The following PRPSAP1 variants were observed in gnomAD, a reference collection of about 807,000 sequenced individuals.
PRPSAP1 encodes phosphoribosyl pyrophosphate synthetase associated protein 1.
PRPSAP1 carries 31 observed loss-of-function variants against 39.4 expected under a neutral mutation model. That is an observed-to-expected ratio of 0.79 (90% CI 0.59 to 1.06). The LOEUF (loss-of-function observed/expected upper bound fraction) is 1.06. PRPSAP1 is among the 50% of genes least tolerant of loss of function. PRPSAP1 has a pLI of 0.00. For missense variants in PRPSAP1, 430 were observed against 511.6 expected (o/e 0.84, Z 1.54); for synonymous variants, 212 against 192.6 (o/e 1.10, Z -0.83).
At chr17:76,330,345 A>G in intron 5 of PRPSAP1, 1 of 601,418 alleles carries the variant, frequency 1.7e-6, no homozygotes, top group Non-Finnish European at 2.9e-6. Context: ...CAAATTGCTA[A>G]AGATACGTAG....
intron 1 of PRPSAP1, among the ~76,000 whole-genome samples, chr17:76,351,373 T>G (rs1037912887): frequency 1.3e-5 from 2 of 151,890 alleles, no homozygotes; most frequent in African/African-American, 4.8e-5. Flanking sequence ...AAATTAGCTG[T>G]GCGAGGTGGC....
chr17:76,344,623 A>C, intron 3 of PRPSAP1, 48 bp downstream of exon 3: 1 of 1,345,962 alleles, frequency 7.4e-7, no homozygotes, highest in Non-Finnish European at 1.0e-6. Context: ...AATCAATTAT[A>C]TTGTTAAGGT....
chr17:76,312,996 C>G lies in PRPSAP1; in HGVS notation c.873G>C (p.Val291=), dbSNP rs761857293. 26 of 1,613,764 alleles carry G rather than the reference C, an allele frequency of 1.6e-5. No homozygotes were observed. The highest frequency in any genetic ancestry group is 2.1e-5 in the Non-Finnish European group (25 of 1,180,002). The change falls in exon 9 of 10, where the codon GTG becomes GTC. Residue 291 remains valine, a synonymous_variant. Coordinates refer to ENST00000446526, the MANE Select transcript of PRPSAP1 (RefSeq NM_002766.3). Reference sequence around the variant, plus strand: ...TCTCCGCGGCAGCAACAAAACTCTCCACATCGTCAATAATGTCATCCTGGG... The same window carrying G: ...TCTCCGCGGCAGCAACAAAACTCTCGACATCGTCAATAATGTCATCCTGGG... ...AIIVDDIIDD[V]ESFVAAAEIL...
At chr17:76,329,446 T>C (rs577967844) in intron 6 of PRPSAP1, among the ~76,000 whole-genome samples, 2 of 152,212 alleles carry the variant, frequency 1.3e-5, no homozygotes, top group South Asian at 4.1e-4. Context: ...TTAAAAACCA[T>C]TGCCTGGGCC....
chr17:76,346,690 T>C (rs892071254), intron 2 of PRPSAP1, among the ~76,000 whole-genome samples: 10 of 152,216 alleles, frequency 6.6e-5, no homozygotes, highest in African/African-American at 2.2e-4. Flanking sequence ...ACATGCTAAA[T>C]GTTCACTGGG....
At chr17:76,331,674 G>C (rs549685541) in intron 4 of PRPSAP1, among the ~76,000 whole-genome samples, 1 of 152,170 alleles carries the variant, frequency 6.6e-6, no homozygotes, top group South Asian at 2.1e-4. Context: ...AATCCTATAA[G>C]GACATTGAGG....
At position 76,328,734 on chromosome 17, in the gene PRPSAP1, G is replaced by C; in HGVS notation, c.764C>G (p.Pro255Arg). The part of the protein sequence containing the change: ...PPMVKNATVH[P>R]GLELPLMMAK... ...CATCTTACATGGCAACTCCAGGCCT[G>C]GGTGCACAGTAGCATTTTTGACCAT... Residue 255 changes from proline to arginine, a missense_variant, in exon 7 of 10, where the codon CCA becomes CGA. Physicochemically the swap from Pro to Arg is moderately radical, Grantham distance 103. Coordinates refer to ENST00000446526, the MANE Select transcript of PRPSAP1 (RefSeq NM_002766.3). 1 of 1,614,140 alleles carries C rather than the reference G, an allele frequency of 6.2e-7. No individual in the cohort carries two copies. The highest frequency in any genetic ancestry group is 8.5e-7 in the Non-Finnish European group (1 of 1,180,014).
chr17:76,332,175 A>G, intron 4 of PRPSAP1, 88 bp downstream of exon 4: 5 of 1,454,502 alleles, frequency 3.4e-6, no homozygotes, highest in East Asian at 2.3e-5. Flanking sequence ...CAGATCCCAG[A>G]TTGGATATCT....
At chr17:76,329,037 C>T (rs907310320) in intron 6 of PRPSAP1, 175 bp from the exon 7 acceptor site, 5 of 709,336 alleles carry the variant, frequency 7.0e-6, no homozygotes, top group East Asian at 6.0e-5. Context: ...TCAAAGGGCA[C>T]GTGAGTTAGG....
At chr17:76,321,532 A>C (rs2071198884) in intron 7 of PRPSAP1, among the ~76,000 whole-genome samples, 1 of 151,890 alleles carries the variant, frequency 6.6e-6, no homozygotes, top group Admixed American at 6.6e-5. Flanking sequence ...CACACGCACA[A>C]AAAAAAAGAC....
intron 3 of PRPSAP1, among the ~76,000 whole-genome samples, chr17:76,341,464 C>G (rs2071438056): frequency 6.6e-6 from 1 of 152,020 alleles, no homozygotes; most frequent in Non-Finnish European, 1.5e-5. Flanking sequence ...GTTCCCAAGC[C>G]ATCTTGGACT....
chr17:76,353,514 C>A lies in PRPSAP1; in HGVS notation c.170+20G>T. On this transcript the variant is annotated intron_variant, in intron 1 of 9. Transcript: ENST00000446526. ...CTAGGCGCCGCCGCCCCCGGCCCGG[C>A]CCTCCCACCGCCCCCTTACTCTGTG... is the stretch of plus-strand genomic sequence containing the variant. 6.7e-7 allele frequency: 1 copy of A among 1,482,576 alleles called. No homozygotes were observed. The highest frequency in any genetic ancestry group is 2.4e-5 in the Admixed American group (1 of 42,056). 91.8% of individuals were successfully genotyped at this position (1,482,576 alleles called of 1,614,324 possible).
chr17:76,333,559 C>T (rs1301816548), intron 3 of PRPSAP1, among the ~76,000 whole-genome samples: 1 of 151,848 alleles, frequency 6.6e-6, no homozygotes, highest in African/African-American at 2.4e-5. Flanking sequence ...GCAGGAGAAT[C>T]TCTTGAACCT....
chr17:76,330,653 A>T lies in PRPSAP1; in HGVS notation c.477T>A (p.Ile159=). The change falls in exon 5 of 10, where the codon ATT becomes ATA. Residue 159 remains isoleucine, a synonymous_variant. Coordinates refer to ENST00000446526, the MANE Select transcript of PRPSAP1 (RefSeq NM_002766.3). ...SMLAKAGLTH[I]ITMDLHQKEI... ...CCTTTTGATGAAGATCCATAGTGAT[A>T]ATGTGAGTTAAACCTGAAATTTTAA... is the stretch of plus-strand genomic sequence containing the variant. 6.2e-7 allele frequency: 1 copy of T among 1,608,232 alleles called. No individual in the cohort carries two copies. Among genetic ancestry groups the T allele is most frequent in the Non-Finnish European group, 8.5e-7 (1 of 1,176,574 alleles).
intron 7 of PRPSAP1, among the ~76,000 whole-genome samples, chr17:76,323,435 G>A (rs573799563): frequency 1.3e-5 from 2 of 152,094 alleles, no homozygotes; most frequent in South Asian, 4.2e-4. Flanking sequence ...TCTCTGGAAA[G>A]GATGCACCAT....
intron 1 of PRPSAP1, among the ~76,000 whole-genome samples, chr17:76,352,414 G>A (rs923896600): frequency 5.3e-5 from 8 of 152,110 alleles, no homozygotes; most frequent in African/African-American, 1.9e-4. Context: ...GGGAGGCCGA[G>A]GCGGGCGGAT....
intron 3 of PRPSAP1, among the ~76,000 whole-genome samples, chr17:76,332,923 C>G (rs1254977364): frequency 6.7e-6 from 1 of 149,388 alleles, no homozygotes; most frequent in Admixed American, 6.7e-5. Flanking sequence ...GACGGAGTCT[C>G]GCTGTCGCCC....
chr17:76,321,626 T>C (rs2071199629), intron 7 of PRPSAP1, among the ~76,000 whole-genome samples: 1 of 152,122 alleles, frequency 6.6e-6, no homozygotes, highest in East Asian at 1.9e-4. Context: ...CCCTATTCCC[T>C]GAGACACAAT....
In PRPSAP1 at chr17:76,330,098, T is replaced by C; in HGVS notation, c.580A>G (p.Ile194Val). Residue 194 changes from isoleucine to valine, a missense_variant and splice_region_variant, in exon 6 of 10, where the codon ATT (isoleucine) becomes GTT (valine). Transcript: ENST00000446526. ...ATGACTGCATTTCTGTAATTTGGAA[T>C]CTAGATTTGAAGGAAAAATAGAAAA... ...PFLLQYIQEE[I>V]PNYRNAVIVA... 1 of 1,612,248 alleles carries C rather than the reference T, an allele frequency of 6.2e-7. No individual in the cohort carries two copies. The highest frequency in any genetic ancestry group is 8.5e-7 in the Non-Finnish European group (1 of 1,178,378).
Sources: allele counts gnomAD v4.1 joint callset (sites outside exome capture counted in the v4.1 genomes callset), GRCh38; gene constraint gnomAD v4.1.1; transcripts MANE v1.5; gene names NCBI Gene and HGNC (gene_info 2026-07-23, HGNC 2026-07-21).